Variants in ANO4 observed in about 807,000 individuals in gnomAD.
The protein encoded by ANO4 is anoctamin-4.
A neutral mutation model predicts 141.9 loss-of-function variants in ANO4; 69 were observed. The ratio of observed to expected loss-of-function variants is 0.49; its 90% confidence interval spans 0.40 to 0.59. The LOEUF is 0.59. Ranked by LOEUF, ANO4 falls within the 20% of genes least tolerant of loss-of-function variation. The pLI, the probability that ANO4 is intolerant of heterozygous loss-of-function variation, is 0.00. For synonymous variants in ANO4, 350 were observed against 394.3 expected (o/e 0.89, Z 1.33); for missense variants, 894 against 1,162.2 (o/e 0.77, Z 3.36).
chr12:101,063,594 A>G (rs2048437812), intron 14 of ANO4, among the ~76,000 whole-genome samples: 1 of 152,062 alleles, frequency 6.6e-6, no homozygotes, highest in Non-Finnish European at 1.5e-5. Flanking sequence ...TAGGAAACGT[A>G]CTTTCTTCTA....
intron 8 of ANO4, among the ~76,000 whole-genome samples, chr12:100,989,041 G>A (rs1338669661): frequency 6.6e-6 from 1 of 152,122 alleles, no homozygotes; most frequent in Non-Finnish European, 1.5e-5. Context: ...AAGAATAGAT[G>A]TTCTGAATCA....
At chr12:101,103,592 C>A (rs1257556357) in intron 22 of ANO4, among the ~76,000 whole-genome samples, 2 of 151,592 alleles carry the variant, frequency 1.3e-5, no homozygotes, top group East Asian at 1.9e-4. Flanking sequence ...GGAAAAAATG[C>A]CCACTTGGGT....
intron 25 of ANO4, among the ~76,000 whole-genome samples, chr12:101,117,709 C>T (rs1487559914): frequency 1.3e-5 from 2 of 152,262 alleles, no homozygotes; most frequent in African/African-American, 4.8e-5. Flanking sequence ...GTCTCAAAAA[C>T]AAAACAAAGA....
intron 26 of ANO4, among the ~76,000 whole-genome samples, chr12:101,121,011 C>A (rs1324009971): frequency 2.0e-5 from 3 of 152,138 alleles, no homozygotes; most frequent in African/African-American, 7.2e-5. Context: ...ATTCTGGGAC[C>A]ATAATTTGGA....
rs1344506404 is a variant in ANO4 at position 101,011,324 on chromosome 12, T to C, written c.735-8710T>C. Among the ~76,000 whole-genome samples, 7 of 150,998 alleles carry C rather than the reference T, an allele frequency of 4.6e-5. 1 individual carries two copies. The highest frequency in any genetic ancestry group is 1.7e-4 in the African/African-American group (7 of 41,236). ...AGGAATCATGGCCTTTTTTCTTTTT[T>C]TTTTTTTTTTTGCAATCTACCACAG... On this transcript the variant is annotated intron_variant, in intron 8 of 27. Transcript: ENST00000392977.
chr12:101,030,079 A>G (rs2046914134), intron 9 of ANO4, among the ~76,000 whole-genome samples: 1 of 152,174 alleles, frequency 6.6e-6, no homozygotes, highest in Admixed American at 6.5e-5. Context: ...AACAAGGCAG[A>G]AAATTAACAA....
At chr12:100,952,851 T>A (rs1297153246) in intron 5 of ANO4, among the ~76,000 whole-genome samples, 1 of 152,244 alleles carries the variant, frequency 6.6e-6, no homozygotes, top group Non-Finnish European at 1.5e-5. Flanking sequence ...AAAACATTTC[T>A]GTTGCCAGGT....
rs1453673265 is a variant in ANO4, at chr12:101,127,090, G to A, written c.*4+16G>A. ...CCGTGACCATGTAGGTGAGAGGTGT[G>A]CTCAGCGTCTGAGGCCATTCCGAGG... On this transcript the variant is annotated intron_variant, in intron 27 of 27. Transcript: ENST00000392977. The A allele has an allele frequency of 6.2e-7, 1 of 1,604,316 alleles. No homozygotes were observed. The highest frequency in any genetic ancestry group is 1.1e-5 in the South Asian group (1 of 89,922).
chr12:100,750,132 TTTTTTC>T (rs1433208498), intron 3 of ANO4, among the ~76,000 whole-genome samples: 5 of 151,742 alleles, frequency 3.3e-5, no homozygotes, highest in African/African-American at 7.3e-5. Context: ...TTTTTTTTTC[TTTTTTC>T]TTTTTCTTTT....
chr12:101,107,798 C>T (rs887758347), intron 22 of ANO4, among the ~76,000 whole-genome samples: 15 of 152,168 alleles, frequency 9.9e-5, no homozygotes, highest in Non-Finnish European at 1.9e-4. Flanking sequence ...TTTAGGCACA[C>T]TGACAGCAGA....
intron 8 of ANO4, among the ~76,000 whole-genome samples, chr12:100,993,481 G>C (rs776974129): frequency 6.6e-6 from 1 of 152,024 alleles, no homozygotes; most frequent in Non-Finnish European, 1.5e-5. Flanking sequence ...GCTATAGGTC[G>C]TACACCTAGG....
intron 3 of ANO4, among the ~76,000 whole-genome samples, chr12:100,771,509 G>T (rs768526562): frequency 3.9e-5 from 6 of 152,114 alleles, no homozygotes; most frequent in Admixed American, 3.3e-4. Flanking sequence ...TTCCCCCATG[G>T]ACTGGTATAC....
intron 2 of ANO4, among the ~76,000 whole-genome samples, chr12:100,902,642 C>T (rs1169991588): frequency 6.6e-6 from 1 of 152,214 alleles, no homozygotes; most frequent in Non-Finnish European, 1.5e-5. Context: ...TGAAGCCAGC[C>T]TCCATCTCTA....
intron 1 of ANO4, among the ~76,000 whole-genome samples, chr12:100,861,152 G>A (rs1435579867): frequency 2.0e-5 from 3 of 152,144 alleles, no homozygotes; most frequent in Non-Finnish European, 4.4e-5. Context: ...ATTTTACAGA[G>A]CATTGATTGG....
At chr12:101,051,304 G>A (rs1297402456) in intron 14 of ANO4, among the ~76,000 whole-genome samples, 1 of 152,154 alleles carries the variant, frequency 6.6e-6, no homozygotes, top group Non-Finnish European at 1.5e-5. Context: ...AACAGCCCTT[G>A]TGGTTTGGAG....
In ANO4 at chr12:100,893,640, A is replaced by G. The variant is rs558531451; in HGVS notation, c.-140-8006A>G. Among the ~76,000 whole-genome samples, 13 of 152,276 alleles carry G rather than the reference A, an allele frequency of 8.5e-5. 1 individual carries two copies. The highest frequency in any genetic ancestry group is 2.9e-4 in the African/African-American group (12 of 41,514). On this transcript the variant is annotated intron_variant, in intron 1 of 27. Transcript: ENST00000392977. ...TTGCTAACATCCCTTTGACTAAAGCAAGTCATGATGGCCAAGTCCAAAACC... is the reference window on the plus strand; with the variant it reads ...TTGCTAACATCCCTTTGACTAAAGCGAGTCATGATGGCCAAGTCCAAAACC...
chr12:101,030,709 C>G (rs1005470384), intron 9 of ANO4, among the ~76,000 whole-genome samples: 43 of 151,966 alleles, frequency 2.8e-4, no homozygotes, highest in African/African-American at 9.4e-4. Context: ...AGAAATACCA[C>G]TAGCTAGACT....
chr12:101,005,901 T>C (rs2045851570), intron 8 of ANO4, among the ~76,000 whole-genome samples: 2 of 152,124 alleles, frequency 1.3e-5, no homozygotes. Flanking sequence ...TCCTTTCTTT[T>C]CCCCTATCAT....
chr12:100,891,728 A>G lies in ANO4; in HGVS notation c.-140-9918A>G, dbSNP rs367935115. 8.5e-5 allele frequency among the ~76,000 whole-genome samples: 13 copies of G among 152,348 alleles called. 1 individual carries two copies. Among genetic ancestry groups the G allele is most frequent in the Middle Eastern group, 6.8e-3 (2 of 294 alleles). ...ATAGCTAAATCAATGCAATTAATAC[A>G]TATGTTATATCACATACTTGTCAAT... On this transcript the variant is annotated intron_variant, in intron 1 of 27. Transcript: ENST00000392977.
Sources: allele counts gnomAD v4.1 joint callset (sites outside exome capture counted in the v4.1 genomes callset), GRCh38; gene constraint gnomAD v4.1.1; transcripts MANE v1.5; gene names NCBI Gene and HGNC (gene_info 2026-07-23, HGNC 2026-07-21).